Variants in CSMD1 observed in about 807,000 individuals in gnomAD.
CSMD1 encodes the protein CUB and Sushi multiple domains 1, also known as CUB and sushi domain-containing protein 1.
A neutral mutation model predicts 417.5 loss-of-function variants in CSMD1; 213 were observed. That is an observed-to-expected ratio of 0.51 (90% CI 0.46 to 0.57). The LOEUF is 0.57. CSMD1 is among the 20% of genes least tolerant of loss of function. The pLI, the probability that CSMD1 is intolerant of heterozygous loss-of-function variation, is 0.00. For missense variants in CSMD1, 6,923 were observed against 4,529.7 expected, an observed-to-expected ratio of 1.53 and a Z score of -15.17; for synonymous variants, 2,862 against 1,736.8, an observed-to-expected ratio of 1.65 and a Z score of -16.11.
rs563170838 is a variant in CSMD1 at position 3,288,560 on chromosome 8, C to A, written c.3951-4214G>T. Among the ~76,000 whole-genome samples the A allele has an allele frequency of 9.2e-4, 136 of 147,402 alleles. 8 individuals are homozygous for A. Among genetic ancestry groups the A allele is most frequent in the Non-Finnish European group, 1.4e-3 (92 of 67,980 alleles). Reference sequence around the variant, plus strand: ...TATGTGTCGAAGAATTTATCCATTTCTTCTAGATTTTCTAGTTTATTTGCA... The same window carrying A: ...TATGTGTCGAAGAATTTATCCATTTATTCTAGATTTTCTAGTTTATTTGCA... On this transcript the variant is annotated intron_variant, in intron 25 of 69. Transcript: ENST00000635120.
chr8:4,771,609 T>A (rs965200457), intron 1 of CSMD1, among the ~76,000 whole-genome samples: 2 of 152,196 alleles, frequency 1.3e-5, no homozygotes, highest in African/African-American at 4.8e-5. Context: ...AATTAAATGT[T>A]GAAACGTCCG....
chr8:3,061,225 G>A (rs1563293826), intron 49 of CSMD1, among the ~76,000 whole-genome samples: 2 of 152,088 alleles, frequency 1.3e-5, no homozygotes, highest in African/African-American at 4.8e-5. Flanking sequence ...CTCCTCAGCA[G>A]GGGTTCTTTG....
At chr8:4,230,631 T>C (rs1362298151) in intron 3 of CSMD1, among the ~76,000 whole-genome samples, 1 of 152,144 alleles carries the variant, frequency 6.6e-6, no homozygotes, top group Non-Finnish European at 1.5e-5. Context: ...ACCCCCAAAT[T>C]TGTGACTACC....
At chr8:4,476,760 G>T (rs536147531) in intron 2 of CSMD1, among the ~76,000 whole-genome samples, 3 of 152,128 alleles carry the variant, frequency 2.0e-5, no homozygotes, top group South Asian at 4.1e-4. Context: ...TTGTTCATAT[G>T]TAAGGATTAG....
intron 3 of CSMD1, among the ~76,000 whole-genome samples, chr8:4,411,225 T>C (rs191304882): frequency 2.0e-5 from 3 of 152,012 alleles, no homozygotes; most frequent in Admixed American, 1.3e-4. Flanking sequence ...GTACAAATAT[T>C]AATTAATACA....
chr8:3,361,696 C>T (rs1448730549), intron 20 of CSMD1, among the ~76,000 whole-genome samples: 1 of 138,842 alleles, frequency 7.2e-6, no homozygotes, highest in Admixed American at 7.3e-5. Context: ...TCTTGCCAAA[C>T]AGGAGAATAT....
At chr8:3,906,572 G>T (rs559589172) in intron 5 of CSMD1, among the ~76,000 whole-genome samples, 1 of 151,604 alleles carries the variant, frequency 6.6e-6, no homozygotes, top group African/African-American at 2.4e-5. Flanking sequence ...GCTGTACCAT[G>T]AGGTGTGGGA....
At chr8:4,857,169 G>A (rs1801852228) in intron 1 of CSMD1, among the ~76,000 whole-genome samples, 1 of 150,794 alleles carries the variant, frequency 6.6e-6, no homozygotes, top group Admixed American at 6.6e-5. Context: ...AATGACTACT[G>A]GGTACATAAC....
chr8:3,104,682 A>G (rs569680779), intron 46 of CSMD1, among the ~76,000 whole-genome samples: 1 of 151,620 alleles, frequency 6.6e-6, no homozygotes, highest in Admixed American at 6.6e-5. Context: ...GAGAATGCAC[A>G]AAGTTATCAG....
At chr8:4,203,019 G>C (rs371011504) in intron 3 of CSMD1, among the ~76,000 whole-genome samples, 4 of 152,164 alleles carry the variant, frequency 2.6e-5, no homozygotes, top group African/African-American at 7.2e-5. Flanking sequence ...CTGTGACTAT[G>C]TTTCCTTACC....
At chr8:3,336,646 C>T (rs1433685530) in intron 23 of CSMD1, among the ~76,000 whole-genome samples, 1 of 152,198 alleles carries the variant, frequency 6.6e-6, no homozygotes, top group Non-Finnish European at 1.5e-5. Context: ...GCATGTACTT[C>T]ATCACAGAGC....
chr8:4,633,130 G>T (rs1272654674), intron 2 of CSMD1, among the ~76,000 whole-genome samples: 2 of 152,138 alleles, frequency 1.3e-5, no homozygotes, highest in African/African-American at 4.8e-5. Context: ...ATCGTGCATT[G>T]GTCTATGTGA....
intron 2 of CSMD1, among the ~76,000 whole-genome samples, chr8:4,582,914 C>G (rs575007284): frequency 3.9e-5 from 6 of 152,340 alleles, no homozygotes; most frequent in Admixed American, 1.3e-4. Flanking sequence ...GCTGGCCCCA[C>G]ACTCGGAGCA....
intron 3 of CSMD1, among the ~76,000 whole-genome samples, chr8:4,104,800 T>A (rs897012727): frequency 3.9e-5 from 6 of 152,174 alleles, no homozygotes; most frequent in African/African-American, 1.4e-4. Flanking sequence ...TTGCTGACCT[T>A]TACGAAGAGT....
At chr8:4,293,850 C>G (rs898816421) in intron 3 of CSMD1, among the ~76,000 whole-genome samples, 2 of 152,168 alleles carry the variant, frequency 1.3e-5, no homozygotes, top group Non-Finnish European at 2.9e-5. Context: ...CAAAGCTGTT[C>G]TACTAGTTTT....
chr8:4,301,881 T>TGATG (rs200255865), intron 3 of CSMD1, among the ~76,000 whole-genome samples: 1 of 62,090 alleles, frequency 1.6e-5, no homozygotes, highest in South Asian at 5.6e-4. Flanking sequence ...ACCATAAATT[T>TGATG]GTTGTTCTCA....
At chr8:4,033,633 C>T (rs920636643) in intron 3 of CSMD1, among the ~76,000 whole-genome samples, 3 of 152,172 alleles carry the variant, frequency 2.0e-5, no homozygotes, top group Admixed American at 1.3e-4. Flanking sequence ...GTTCTCAGGA[C>T]CTCCTGAGGG....
intron 3 of CSMD1, among the ~76,000 whole-genome samples, chr8:4,108,658 T>A (rs923615502): frequency 2.0e-5 from 3 of 152,206 alleles, no homozygotes; most frequent in Non-Finnish European, 4.4e-5. Context: ...ACCTGACACT[T>A]TCGACAAATT....
chr8:4,757,262 G>C (rs1201704053), intron 1 of CSMD1, among the ~76,000 whole-genome samples: 1 of 152,140 alleles, frequency 6.6e-6, no homozygotes, highest in Non-Finnish European at 1.5e-5. Context: ...CATTTTAAAA[G>C]TTTGCAAAAT....
Sources: gnomAD v4.1 joint callset for allele counts (sites outside exome capture counted in the v4.1 genomes callset) on GRCh38, gnomAD v4.1.1 for gene constraint, MANE v1.5 for transcripts, NCBI Gene and HGNC (gene_info 2026-07-23, HGNC 2026-07-21) for gene names.